Variants in CERKL observed in about 807,000 individuals in gnomAD.
The protein encoded by CERKL is ceramide kinase-like protein.
CERKL carries 61 observed loss-of-function variants against 63.4 expected under a neutral mutation model. The ratio of observed to expected loss-of-function variants is 0.96; its 90% CI spans 0.78 to 1.19. The LOEUF (loss-of-function observed/expected upper bound fraction) is 1.19. Among genes scored for constraint, CERKL ranks in the 50% most tolerant of loss-of-function variants. The pLI is 0.00. For missense variants in CERKL, 675 were observed against 655.5 expected, an observed-to-expected ratio of 1.03 and a Z score of -0.33; for synonymous variants, 250 against 230.5, an observed-to-expected ratio of 1.08 and a Z score of -0.77.
At chr2:181,619,945 T>G (rs1227503534) in intron 1 of CERKL, among the ~76,000 whole-genome samples, 3 of 152,204 alleles carry the variant, frequency 2.0e-5, no homozygotes, top group East Asian at 1.9e-4. Flanking sequence ...AATAAAACTG[T>G]AGTAGTTCAA....
chr2:181,588,966 T>C (rs1684877958), intron 2 of CERKL, among the ~76,000 whole-genome samples: 2 of 152,238 alleles, frequency 1.3e-5, no homozygotes, highest in African/African-American at 4.8e-5. Flanking sequence ...CAGTTCTTTA[T>C]ATACCTTGGA....
rs553017983 is a variant in CERKL, at chr2:181,598,614, C to T, written c.481+5223G>A. 2.6e-5 allele frequency among the ~76,000 whole-genome samples: 4 copies of T among 152,198 alleles called. No individual in the cohort carries two copies. In the South Asian group the frequency reaches 8.3e-4, roughly 32 times the overall value. The stretch of plus-strand genomic sequence containing the variant: ...GCCATCTACTGGATTGCAGCCTGAA[C>T]TGTACTATCAAATAAAAAGCCCACT... On this transcript the variant is annotated intron_variant, in intron 2 of 12. Coordinates refer to ENST00000410087, the MANE Select transcript of CERKL (RefSeq NM_201548.5).
intron 1 of CERKL, among the ~76,000 whole-genome samples, chr2:181,650,632 C>T (rs1164724860): frequency 6.6e-6 from 1 of 152,044 alleles, no homozygotes; most frequent in African/African-American, 2.4e-5. Flanking sequence ...GTGGCACATG[C>T]CTATAATCCC....
Position 181,604,090 on chromosome 2 carries a change from A to C in CERKL, c.239-11T>G. Reference sequence around the variant, plus strand: ...CATACTTAGAATCACCTGAAAAAAAAATAAATTTTCCAATTAAAACCATTG... The same window carrying C: ...CATACTTAGAATCACCTGAAAAAAACATAAATTTTCCAATTAAAACCATTG... On this transcript the variant is annotated splice_polypyrimidine_tract_variant and intron_variant, in intron 1 of 12. Transcript: ENST00000410087. 6.3e-7 allele frequency: 1 copy of C among 1,586,104 alleles called. No homozygotes were observed.
At chr2:181,562,956 A>G (rs1257819722) in intron 4 of CERKL, among the ~76,000 whole-genome samples, 2 of 152,160 alleles carry the variant, frequency 1.3e-5, no homozygotes, top group African/African-American at 2.4e-5. Context: ...TAATGGTGAA[A>G]TGAACAAAAG....
chr2:181,624,825 A>G (rs556982377), intron 1 of CERKL, among the ~76,000 whole-genome samples: 41 of 152,306 alleles, frequency 2.7e-4, no homozygotes, highest in African/African-American at 9.4e-4. Flanking sequence ...AAATGGGAAA[A>G]TCTATAGGAG....
chr2:181,571,321 C>T (rs567673652), intron 3 of CERKL, among the ~76,000 whole-genome samples: 4 of 152,036 alleles, frequency 2.6e-5, no homozygotes, highest in Non-Finnish European at 5.9e-5. Flanking sequence ...ATTTGCTTTA[C>T]GGAATATTCT....
At chr2:181,589,238 G>A (rs982428495) in intron 2 of CERKL, among the ~76,000 whole-genome samples, 1 of 152,154 alleles carries the variant, frequency 6.6e-6, no homozygotes, top group African/African-American at 2.4e-5. Flanking sequence ...CTGCCCATTT[G>A]CCCAATTGTA....
intron 5 of CERKL, among the ~76,000 whole-genome samples, chr2:181,555,705 T>C (rs756591613): frequency 6.6e-6 from 1 of 152,068 alleles, no homozygotes; most frequent in Non-Finnish European, 1.5e-5. Flanking sequence ...TGTGACTTTT[T>C]AAAAGTTGAT....
chr2:181,641,152 A>C (rs1286834368), intron 1 of CERKL, among the ~76,000 whole-genome samples: 1 of 152,058 alleles, frequency 6.6e-6, no homozygotes, highest in Non-Finnish European at 1.5e-5. Flanking sequence ...AGTTCAAACA[A>C]TGTATCACAA....
At chr2:181,614,259 A>G (rs1559106563) in intron 1 of CERKL, among the ~76,000 whole-genome samples, 1 of 152,206 alleles carries the variant, frequency 6.6e-6, no homozygotes, top group Admixed American at 6.5e-5. Context: ...AGATCATCTG[A>G]TAAGATCAGC....
At position 181,648,792 on chromosome 2, in the gene CERKL, C is replaced by T. The variant is rs186395549; in HGVS notation, c.238+7977G>A. On this transcript the variant is annotated intron_variant, in intron 1 of 12. Coordinates refer to ENST00000410087, the MANE Select transcript of CERKL (RefSeq NM_201548.5). ...CAACAAAAATATAAATTAGGGATGGCGGAGGAAAAAAGTCTAGAGTATTTT... is the reference window on the plus strand; with the variant it reads ...CAACAAAAATATAAATTAGGGATGGTGGAGGAAAAAAGTCTAGAGTATTTT... Among the ~76,000 whole-genome samples, 898 of 152,038 alleles carry T rather than the reference C, an allele frequency of 5.9e-3. 10 individuals are homozygous for T. Among genetic ancestry groups the T allele is most frequent in the African/African-American group, 0.021 (863 of 41,494 alleles).
intron 1 of CERKL, among the ~76,000 whole-genome samples, chr2:181,618,535 A>G (rs1028393338): frequency 3.0e-4 from 46 of 151,846 alleles, no homozygotes; most frequent in South Asian, 2.1e-4. Flanking sequence ...CTCGTGCCTC[A>G]GCCTCCTGAG....
Position 181,558,504 on chromosome 2 carries a change from G to C in CERKL, c.820+62C>G. The C allele has an allele frequency of 1.3e-6, 2 of 1,550,440 alleles. No homozygotes were observed. Among genetic ancestry groups the C allele is most frequent in the South Asian group, 1.1e-5 (1 of 89,682 alleles). On this transcript the variant is annotated intron_variant, in intron 5 of 12. Transcript: ENST00000410087. This position sits in a 1 kb window ranked among gnomAD's most constrained non-coding sequence, Gnocchi z 4.2. ...ATTCTGTGTTGTGCTGTCTAGATTAGCAAGTAAGAAAGGAAAAGAGGGAGA... is the reference window on the plus strand; with the variant it reads ...ATTCTGTGTTGTGCTGTCTAGATTACCAAGTAAGAAAGGAAAAGAGGGAGA...
intron 2 of CERKL, among the ~76,000 whole-genome samples, chr2:181,586,147 C>A (rs1243622336): frequency 1.3e-5 from 2 of 152,018 alleles, no homozygotes; most frequent in African/African-American, 4.8e-5. Flanking sequence ...AAAAAAAAGC[C>A]TTTAGATTGC....
intron 1 of CERKL, among the ~76,000 whole-genome samples, chr2:181,619,529 G>A (rs1574505056): frequency 6.6e-6 from 1 of 152,066 alleles, no homozygotes; most frequent in South Asian, 2.1e-4. Context: ...CCAGCACCTA[G>A]CTTAATGCTT....
chr2:181,630,221 G>GC (rs910120509), intron 1 of CERKL, among the ~76,000 whole-genome samples: 35 of 151,748 alleles, frequency 2.3e-4, no homozygotes, highest in East Asian at 3.9e-4. Flanking sequence ...CACTCCCCCT[G>GC]CCCCCCCAGA....
chr2:181,573,555 G>C (rs1245929071), intron 3 of CERKL, among the ~76,000 whole-genome samples, 198 bp downstream of exon 3: 1 of 151,956 alleles, frequency 6.6e-6, no homozygotes, highest in African/African-American at 2.4e-5. Context: ...ATTCTAAAGA[G>C]AAAATATTAA....
intron 1 of CERKL, among the ~76,000 whole-genome samples, chr2:181,646,720 T>C (rs530627953): frequency 1.2e-4 from 18 of 152,282 alleles, no homozygotes; most frequent in African/African-American, 4.3e-4. Context: ...CCAAGAGAGT[T>C]AAGTCAAAGT....
Sources: gnomAD v4.1 joint callset for allele counts (sites outside exome capture counted in the v4.1 genomes callset) on GRCh38, gnomAD v4.1.1 for gene constraint, Gnocchi (gnomAD v3.1) non-coding constraint, MANE v1.5 for transcripts, NCBI Gene and HGNC (gene_info 2026-07-23, HGNC 2026-07-21) for gene names.